The following GPA33 variants were observed in gnomAD, a reference collection of about 807,000 sequenced individuals.
GPA33 encodes the protein cell surface A33 antigen.
In GPA33, 27 loss-of-function variants were observed where a neutral mutation model predicts 35.6. The ratio of observed to expected loss-of-function variants is 0.76; its 90% CI spans 0.56 to 1.04. The LOEUF (loss-of-function observed/expected upper bound fraction) is 1.04. GPA33 is among the 50% of genes least tolerant of loss of function. GPA33 has a pLI of 0.00. For synonymous variants in GPA33, 176 were observed against 164.0 expected (o/e 1.07, Z -0.56); for missense variants, 428 against 411.9 (o/e 1.04, Z -0.34).
rs1193448029 is a variant in GPA33, at chr1:167,055,017, T to G, written c.786A>C (p.Arg262=). 3.1e-6 allele frequency: 5 copies of G among 1,614,004 alleles called. No homozygotes were observed. The highest frequency in any genetic ancestry group is 4.2e-6 in the Non-Finnish European group (5 of 1,180,022). The part of the protein sequence containing the change: ...IGIIIYCCCC[R]GKDDNTEDKE... The stretch of plus-strand genomic sequence containing the variant: ...TGTCTTCAGTGTTGTCGTCCTTCCC[T>G]CGGCAGCAGCAGCAGTAGATGATGA... The change falls in exon 6 of 7, where the codon CGA becomes CGC. Residue 262 remains arginine (R), a synonymous_variant. Coordinates refer to ENST00000367868, the MANE Select transcript of GPA33 (RefSeq NM_005814.3).
At chr1:167,082,441 G>A (rs577364692) in intron 1 of GPA33, 1 of 391,096 alleles carries the variant, frequency 2.6e-6, no homozygotes, top group South Asian at 2.0e-5. Context: ...GAGACCAGAG[G>A]GGCACAGAGG....
Position 167,070,990 on chromosome 1 carries a change from G to A in GPA33, c.199-1852C>T, listed in dbSNP as rs570865440. On this transcript the variant is annotated intron_variant, in intron 2 of 6. Coordinates refer to ENST00000367868, the MANE Select transcript of GPA33 (RefSeq NM_005814.3). ...TTACGTGTGGGGTATCTGGAGTGTC[G>A]GTGGGAGATCCATCTAGGTGGAGGA... is the stretch of plus-strand genomic sequence containing the variant. Among the ~76,000 whole-genome samples the A allele has an allele frequency of 5.8e-4, 88 of 152,220 alleles. 1 individual carries two copies. In the Middle Eastern group the frequency reaches 0.014, roughly 24 times the overall value.
intron 1 of GPA33, among the ~76,000 whole-genome samples, chr1:167,083,920 C>T (rs930188698): frequency 3.3e-5 from 5 of 149,998 alleles, no homozygotes; most frequent in African/African-American, 1.2e-4. Context: ...TGTCCAAATA[C>T]AGGACAAGTA....
At chr1:167,081,543 T>A (rs1666948221) in intron 1 of GPA33, among the ~76,000 whole-genome samples, 1 of 152,224 alleles carries the variant, frequency 6.6e-6, no homozygotes, top group South Asian at 2.1e-4. Flanking sequence ...TTCAACATGA[T>A]TCTTTATGCA....
At position 167,063,712 on chromosome 1, in the gene GPA33, G is replaced by A. The variant is rs577237818; in HGVS notation, c.441C>T (p.Gly147=). Reference sequence around the variant, plus strand: ...TCCCAATTATGGTCTCTCCCTCGATGCCGCATTCTGGTTTGGAGGGTGGCA... The same window carrying A: ...TCCCAATTATGGTCTCTCCCTCGATACCGCATTCTGGTTTGGAGGGTGGCA... ...VLVPPSKPEC[G]IEGETIIGNN... Residue 147 remains glycine, a synonymous_variant, in exon 4 of 7, where the codon GGC becomes GGT. Transcript: ENST00000367868. The A allele has an allele frequency of 1.1e-5, 17 of 1,613,308 alleles. No homozygotes were observed. The Admixed American group carries it at 1.3e-4, about 13-fold the overall frequency.
intron 1 of GPA33, among the ~76,000 whole-genome samples, chr1:167,081,635 G>C (rs1193853319): frequency 6.6e-6 from 1 of 152,224 alleles, no homozygotes; most frequent in Non-Finnish European, 1.5e-5. Flanking sequence ...TCAGAGGTGT[G>C]TTCACACGCC....
intron 1 of GPA33, among the ~76,000 whole-genome samples, chr1:167,081,297 G>A (rs1039938881): frequency 3.9e-5 from 6 of 152,218 alleles, no homozygotes; most frequent in African/African-American, 7.2e-5. Context: ...GAGAAACCAC[G>A]TTCTTAGGGA....
chr1:167,061,329 T>C lies in GPA33; in HGVS notation c.571+2253A>G, dbSNP rs546676795. Among the ~76,000 whole-genome samples, 218 of 152,294 alleles carry C rather than the reference T, an allele frequency of 1.4e-3. 1 individual carries two copies. Among genetic ancestry groups the C allele is most frequent in the Non-Finnish European group, 2.4e-3 (166 of 68,028 alleles). On this transcript the variant is annotated intron_variant, in intron 4 of 6. Coordinates refer to ENST00000367868, the MANE Select transcript of GPA33 (RefSeq NM_005814.3). ...GCTTTGGGTCTCCATATACACACTT[T>C]GCAGGAAAGAAGATCAGACACTACC...
intron 4 of GPA33, among the ~76,000 whole-genome samples, chr1:167,063,168 C>A (rs1372419091): frequency 6.6e-6 from 1 of 152,210 alleles, no homozygotes; most frequent in East Asian, 1.9e-4. Context: ...TGGCTCACGC[C>A]TGTAATCCCA....
At chr1:167,080,549 A>C (rs1265242326) in intron 1 of GPA33, among the ~76,000 whole-genome samples, 2 of 152,198 alleles carry the variant, frequency 1.3e-5, no homozygotes, top group Non-Finnish European at 2.9e-5. Flanking sequence ...CAGCCAAACT[A>C]TCCGGGTTGG....
At chr1:167,082,346 A>C in intron 1 of GPA33, 1 of 455,438 alleles carries the variant, frequency 2.2e-6, no homozygotes, top group Non-Finnish European at 4.4e-6. Context: ...TTAACAATAA[A>C]GCCAACTAGG....
At chr1:167,065,103 T>G (rs1261798094) in intron 3 of GPA33, among the ~76,000 whole-genome samples, 1 of 152,206 alleles carries the variant, frequency 6.6e-6, no homozygotes, top group Non-Finnish European at 1.5e-5. Context: ...ACTGGGTGCC[T>G]ACTGTGTGTC....
At chr1:167,055,639 T>C (rs1571300739) in intron 5 of GPA33, 91 bp downstream of exon 5, 7 of 1,427,434 alleles carry the variant, frequency 4.9e-6, no homozygotes, top group Non-Finnish European at 6.9e-6. Context: ...GGTTCCCCTA[T>C]TCCTCCTCAC....
chr1:167,071,208 G>T (rs1334406240), intron 2 of GPA33, among the ~76,000 whole-genome samples: 1 of 152,188 alleles, frequency 6.6e-6, no homozygotes, highest in Non-Finnish European at 1.5e-5. Flanking sequence ...GAAAAGCCAA[G>T]ACAAGACTTC....
chr1:167,063,218 A>G (rs1284177754), intron 4 of GPA33, among the ~76,000 whole-genome samples: 2 of 152,208 alleles, frequency 1.3e-5, no homozygotes, highest in Non-Finnish European at 2.9e-5. Context: ...ACCTGAGGTC[A>G]GGAGTTCAAG....
chr1:167,083,918 T>A (rs546668064), intron 1 of GPA33, among the ~76,000 whole-genome samples: 39 of 152,162 alleles, frequency 2.6e-4, no homozygotes, highest in African/African-American at 9.2e-4. Context: ...CTTGTCCAAA[T>A]ACAGGACAAG....
intron 1 of GPA33, among the ~76,000 whole-genome samples, chr1:167,075,438 G>A (rs555852279): frequency 6.6e-6 from 1 of 152,312 alleles, no homozygotes; most frequent in South Asian, 2.1e-4. Flanking sequence ...GCGTGTTAGA[G>A]GAAAACAGGA....
intron 2 of GPA33, among the ~76,000 whole-genome samples, chr1:167,072,206 G>C (rs1571313829): frequency 6.6e-6 from 1 of 152,166 alleles, no homozygotes; most frequent in East Asian, 1.9e-4. Context: ...TAGGGAAAAA[G>C]CTAAGTCTTT....
chr1:167,089,085 G>T (rs1445853574), intron 1 of GPA33, among the ~76,000 whole-genome samples: 1 of 152,198 alleles, frequency 6.6e-6, no homozygotes. Flanking sequence ...TCAGTCAGAT[G>T]AACTTGAGCC....
Sources: gnomAD v4.1 joint callset for allele counts (sites outside exome capture counted in the v4.1 genomes callset) on GRCh38, gnomAD v4.1.1 for gene constraint, MANE v1.5 for transcripts, NCBI Gene and HGNC (gene_info 2026-07-23, HGNC 2026-07-21) for gene names.